Variants in GNAS observed in about 807,000 individuals in gnomAD.
GNAS encodes the protein protein ALEX.
GNAS carries 8 observed loss-of-function variants against 54.5 expected under a neutral mutation model. The observed-to-expected ratio is 0.15, with a 90% confidence interval of 0.09 to 0.26. GNAS has a LOEUF of 0.26. Ranked by LOEUF, GNAS falls within the 10% of genes least tolerant of loss-of-function variation. GNAS has a pLI of 1.00. For synonymous variants in GNAS, 204 were observed against 191.4 expected (o/e 1.07, Z -0.54); for missense variants, 170 against 529.8 (o/e 0.32, Z 6.67).
At chr20:58,845,013 G>C (rs528989258) in intron 1 of GNAS, among the ~76,000 whole-genome samples, 1 of 144,388 alleles carries the variant, frequency 6.9e-6, no homozygotes, top group Non-Finnish European at 1.5e-5. Flanking sequence ...CATCCTGAGA[G>C]TCGTATTTAG....
Position 58,895,503 on chromosome 20 carries a change from G to GT in GNAS, c.140-103dup, listed in dbSNP as rs983920946. The GT allele has an allele frequency of 4.6e-5, 34 of 747,140 alleles. No individual in the cohort carries two copies. In the Admixed American group the frequency reaches 6.4e-4, roughly 14 times the overall value. The allele number at this position is 747,140 out of a possible 1,614,324, so 46.3% of individuals were successfully genotyped here. A position where few individuals can be genotyped will look rare whatever the true frequency, so the allele number is the denominator to read the frequency against. On this transcript the variant is annotated intron_variant, in intron 1 of 12. Transcript: ENST00000371085. ...TTGCAAGTCTGTGATTTTGTGTTTG[G>GT]TTTTTTGCATGTTGCTTCTATGGAA...
At position 58,853,978 on chromosome 20, in the gene GNAS, C is replaced by T. The variant is rs2086299375; in HGVS notation, c.43+13092C>T. 9.9e-6 allele frequency: 16 copies of T among 1,612,124 alleles called. No individual in the cohort carries two copies. The highest frequency in any genetic ancestry group is 2.7e-5 in the African/African-American group (2 of 74,956). On this transcript the variant is annotated intron_variant, in intron 1 of 12. Transcript: ENST00000306090. This position sits in a 1 kb window ranked among gnomAD's most constrained non-coding sequence, Gnocchi z 4.4. ...GGAGAAGGATTTGGGGACGACAGCC[C>T]ACCCCCGGGGCTTTCCCGAGTTATC...
At position 58,905,499 on chromosome 20, in the gene GNAS, A is replaced by C; in HGVS notation, c.530+19A>C. On this transcript the variant is annotated intron_variant, in intron 6 of 12. Coordinates refer to ENST00000371085, the MANE Select transcript of GNAS (RefSeq NM_000516.7). ...CCCAGTAGTAAGTAACCGCCACCCAACCCATCAGCACATAAAACAGACAAA... is the reference window on the plus strand; with the variant it reads ...CCCAGTAGTAAGTAACCGCCACCCACCCCATCAGCACATAAAACAGACAAA... 1 of 1,213,228 alleles carries C rather than the reference A, an allele frequency of 8.2e-7. No individual in the cohort carries two copies. Among genetic ancestry groups the C allele is most frequent in the Non-Finnish European group, 1.2e-6 (1 of 813,206 alleles). The allele number at this position is 1,213,228 out of a possible 1,614,324, so 75.2% of individuals were successfully genotyped here.
Position 58,903,800 on chromosome 20 carries a change from C to T in GNAS, c.432+9C>T, listed in dbSNP as rs1326588827. ...ACTTTGACTTCCCTCCCGTAAGCTA[C>T]ACCCCGACTTGTGTGGCCTTAGCCC... On this transcript the variant is annotated intron_variant, in intron 5 of 12. Coordinates refer to ENST00000371085, the MANE Select transcript of GNAS (RefSeq NM_000516.7). 6.2e-7 allele frequency: 1 copy of T among 1,614,034 alleles called. No homozygotes were observed. The highest frequency in any genetic ancestry group is 8.5e-7 in the Non-Finnish European group (1 of 1,179,950).
Position 58,863,595 on chromosome 20 carries a change from C to A in GNAS, c.43+22709C>A, listed in dbSNP as rs1181344338. 1 of 152,156 alleles carries A rather than the reference C, an allele frequency of 6.6e-6. No individual in the cohort carries two copies. Among genetic ancestry groups the A allele is most frequent in the Non-Finnish European group, 1.5e-5 (1 of 68,034 alleles). 9.4% of individuals were successfully genotyped at this position (152,156 alleles called of 1,614,324 possible). ...AGTTGATAATGGGAAGGAAAAAAAT[C>A]TCTGTACTACTTTCTAAAGAGTGTC... is the stretch of plus-strand genomic sequence containing the variant. On this transcript the variant is annotated intron_variant, in intron 1 of 12. Coordinates refer to the GNAS transcript ENST00000306090. This position sits in a 1 kb window ranked among gnomAD's most constrained non-coding sequence, Gnocchi z 4.1.
Position 58,909,031 on chromosome 20 carries a change from G to A in GNAS, c.531-131G>A, listed in dbSNP as rs2091261715. 2 of 800,992 alleles carry A rather than the reference G, an allele frequency of 2.5e-6. No homozygotes were observed. The highest frequency in any genetic ancestry group is 1.7e-5 in the Admixed American group (1 of 58,972). 49.6% of individuals were successfully genotyped at this position (800,992 alleles called of 1,614,324 possible). ...ATGTAACCAACACACAAGCAAATGT[G>A]CCATTGACTTAGTGCTGCATAACTG... On this transcript the variant is annotated intron_variant, in intron 6 of 12. Transcript: ENST00000371085. The surrounding 1 kb of genome is among the most constrained non-coding windows in gnomAD (Gnocchi z 7.3).
At chr20:58,883,756 A>C (rs974211565) in intron 1 of GNAS, among the ~76,000 whole-genome samples, 1 of 152,046 alleles carries the variant, frequency 6.6e-6, no homozygotes, top group African/African-American at 2.4e-5. Flanking sequence ...CATGGAAATC[A>C]AGCAGAGGAA....
chr20:58,888,969 G>C (rs1322555884), upstream of GNAS: 3 of 629,540 alleles, frequency 4.8e-6, no homozygotes, highest in Middle Eastern at 7.8e-4. Context: ...CCGCCATCGC[G>C]GCCCCCGCGC....
upstream of GNAS, chr20:58,891,271 C>CCCT (rs1182454292): frequency 1.6e-3 from 229 of 145,908 alleles, no homozygotes; most frequent in Middle Eastern, 0.019. Flanking sequence ...CGCTCCTCGG[C>CCCT]CCTCCTCCTC....
chr20:58,898,238 C>T (rs1455306984), intron 2 of GNAS: 3 of 151,990 alleles, frequency 2.0e-5, no homozygotes, highest in Non-Finnish European at 2.9e-5. Context: ...TTATGAAGAT[C>T]GGGTTTGGGT....
intron 1 of GNAS, among the ~76,000 whole-genome samples, chr20:58,879,953 T>G (rs1232759653): frequency 1.3e-5 from 2 of 152,138 alleles, no homozygotes; most frequent in Admixed American, 6.5e-5. Context: ...AGAAAAAATT[T>G]CCATGATTCT....
rs2090315355 is a variant in GNAS, at chr20:58,898,672, C to T, written c.213-269C>T. On this transcript the variant is annotated intron_variant, in intron 2 of 12. Transcript: ENST00000371085. ...AAAGCACAAGAAAACAATTATCCAT[C>T]CCTCCTGTCTCCGACCAGAGTCTCC... 5.2e-6 allele frequency: 3 copies of T among 574,824 alleles called. No individual in the cohort carries two copies. The South Asian group carries it at 6.6e-5, about 13-fold the overall frequency. The allele number at this position is 574,824 out of a possible 1,614,324, so 35.6% of individuals were successfully genotyped here.
At position 58,853,301 on chromosome 20, in the gene GNAS, G is replaced by C; in HGVS notation, c.43+12415G>C. On this transcript the variant is annotated intron_variant, in intron 1 of 12. Coordinates refer to the GNAS transcript ENST00000306090. The surrounding 1 kb of genome is among the most constrained non-coding windows in gnomAD (Gnocchi z 4.4). Reference sequence around the variant, plus strand: ...GCAACTGCCTCTACGGCAATAATATGTCAGGACAACGCGATATCCCCCCTG... The same window carrying C: ...GCAACTGCCTCTACGGCAATAATATCTCAGGACAACGCGATATCCCCCCTG... The C allele has an allele frequency of 6.5e-7, 1 of 1,550,290 alleles. No homozygotes were observed. The highest frequency in any genetic ancestry group is 8.7e-7 in the Non-Finnish European group (1 of 1,146,752).
intron 6 of GNAS, among the ~76,000 whole-genome samples, chr20:58,907,583 T>G (rs982664214): frequency 1.3e-5 from 2 of 152,200 alleles, no homozygotes; most frequent in Admixed American, 6.5e-5. Flanking sequence ...TTAGCCAGAT[T>G]GTTGAATTTT....
In GNAS at chr20:58,910,868, A is replaced by G; in HGVS notation, c.*39A>G. The G allele has an allele frequency of 3.1e-6, 5 of 1,590,904 alleles. No individual in the cohort carries two copies. The highest frequency in any genetic ancestry group is 2.7e-5 in the African/African-American group (2 of 74,630). On this transcript the variant is annotated 3_prime_UTR_variant, in exon 13 of 13. Coordinates refer to ENST00000371085, the MANE Select transcript of GNAS (RefSeq NM_000516.7). The surrounding 1 kb of genome is among the most constrained non-coding windows in gnomAD (Gnocchi z 5.8). Reference sequence around the variant, plus strand: ...AAATTTAATTAAAGCCTTAAGCACAATTAATTAAAAGTGAAACGTAATTGT... The same window carrying G: ...AAATTTAATTAAAGCCTTAAGCACAGTTAATTAAAAGTGAAACGTAATTGT...
chr20:58,910,872 A>G lies in GNAS; in HGVS notation c.*43A>G. On this transcript the variant is annotated 3_prime_UTR_variant, in exon 13 of 13. Transcript: ENST00000371085. The surrounding 1 kb of genome is among the most constrained non-coding windows in gnomAD (Gnocchi z 5.8). ...TTAATTAAAGCCTTAAGCACAATTA[A>G]TTAAAAGTGAAACGTAATTGTACAA... 1 of 1,580,404 alleles carries G rather than the reference A, an allele frequency of 6.3e-7. No homozygotes were observed. The highest frequency in any genetic ancestry group is 8.7e-7 in the Non-Finnish European group (1 of 1,149,854).
intron 1 of GNAS, among the ~76,000 whole-genome samples, chr20:58,860,808 G>A (rs2086743182): frequency 6.6e-6 from 1 of 152,026 alleles, no homozygotes; most frequent in Non-Finnish European, 1.5e-5. Context: ...TTACAGACAT[G>A]CACCACCACA....
chr20:58,889,165 C>G, upstream of GNAS: 1 of 1,215,748 alleles, frequency 8.2e-7, no homozygotes, highest in Non-Finnish European at 1.1e-6. Context: ...GCTCTGCTCC[C>G]CGGCGGGGAC....
chr20:58,865,816 A>G (rs182229212), intron 1 of GNAS, among the ~76,000 whole-genome samples: 1 of 152,342 alleles, frequency 6.6e-6, no homozygotes, highest in East Asian at 1.9e-4. Flanking sequence ...AAAGGAAATT[A>G]TTTCAGGGAA....
Sources: gnomAD v4.1 joint callset for allele counts (sites outside exome capture counted in the v4.1 genomes callset) on GRCh38, gnomAD v4.1.1 for gene constraint, Gnocchi (gnomAD v3.1) non-coding constraint, MANE v1.5 for transcripts, NCBI Gene and HGNC (gene_info 2026-07-23, HGNC 2026-07-21) for gene names.